Variants in AJM1 observed in about 807,000 individuals in gnomAD.
AJM1 encodes the protein apical junction component 1 homolog.
AJM1 carries 22 observed loss-of-function variants against 43.0 expected under a neutral mutation model. That is an observed-to-expected ratio of 0.51 (90% CI 0.37 to 0.73). The LOEUF (loss-of-function observed/expected upper bound fraction) is 0.73, where lower values mean the gene tolerates loss of function less well. Among genes scored for constraint, AJM1 ranks in the 30% least tolerant of loss-of-function variants. The pLI is 0.00. For missense variants in AJM1, 1,305 were observed against 1,343.3 expected, an observed-to-expected ratio of 0.97 and a Z score of 0.45; for synonymous variants, 719 against 638.3, an observed-to-expected ratio of 1.13 and a Z score of -1.91.
At chr9:136,843,019 C>T (rs889232159) in intron 1 of AJM1, among the ~76,000 whole-genome samples, 1 of 71,490 alleles carries the variant, frequency 1.4e-5, no homozygotes. Context: ...GGGGGGTGGG[C>T]GGGGGAGGCT....
At position 136,842,561 on chromosome 9, in the gene AJM1, C is replaced by T. The variant is rs1170068388; in HGVS notation, c.-172C>T. Among the ~76,000 whole-genome samples the T allele has an allele frequency of 3.3e-5, 5 of 152,224 alleles. No homozygotes were observed. The highest frequency in any genetic ancestry group is 2.6e-4 in the Admixed American group (4 of 15,288). On this transcript the variant is annotated 5_prime_UTR_variant, in exon 1 of 3. Transcript: ENST00000436881. ...GAGCCGACCTGGGGGTGGCACAGCCCACCGGGGCACAGCCAGAGCAGCACC... is the reference window on the plus strand; with the variant it reads ...GAGCCGACCTGGGGGTGGCACAGCCTACCGGGGCACAGCCAGAGCAGCACC...
In AJM1 at chr9:136,844,545, C is replaced by A. The variant is rs771522934; in HGVS notation, c.131C>A (p.Pro44His). ...RSVARPAEPA[P>H]FNKRHCRSFD... ...GTGGCCCGGCCTGCTGAGCCCGCGC[C>A]TTTCAACAAGCGCCACTGCCGCAGC... Residue 44 changes from proline (P) to histidine (H), a missense_variant, in exon 3 of 3, where the codon CCT becomes CAT. This residue lies in a region of AJM1 where 128 missense variants were observed against 120.6 expected (regional missense o/e 1.06). Transcript: ENST00000436881. 1.9e-6 allele frequency: 3 copies of A among 1,606,350 alleles called. No homozygotes were observed. Among genetic ancestry groups the A allele is most frequent in the South Asian group, 1.1e-5 (1 of 90,272 alleles).
In AJM1 at chr9:136,845,003, C is replaced by T; in HGVS notation, c.589C>T (p.Leu197Phe). ...GGACATCAAGCCAGACGACGCAGTG[C>T]TCCAGCACGCCACCCGGGGCTCGCG... ...RLDIKPDDAV[L>F]QHATRGSRSC... Residue 197 changes from leucine (L) to phenylalanine (F), a missense_variant, in exon 3 of 3, where the codon CTC becomes TTC. Leu to Phe is a conservative substitution (Grantham distance 22, BLOSUM62 0). Around this residue, in one of 6 missense-constraint regions of AJM1, gnomAD observed 653 missense variants for 549.1 expected, o/e 1.19. Coordinates refer to ENST00000436881, the MANE Select transcript of AJM1 (RefSeq NM_001080482.5). The T allele has an allele frequency of 1.5e-6, 1 of 659,816 alleles. No individual in the cohort carries two copies. Among genetic ancestry groups the T allele is most frequent in the Admixed American group, 2.7e-5 (1 of 36,776 alleles). The allele number at this position is 659,816 out of a possible 1,614,324, so 40.9% of individuals were successfully genotyped here.
In AJM1 at chr9:136,847,798, GCT is replaced by G. The variant is rs1848802231; in HGVS notation, c.*457_*458del. 6.2e-6 allele frequency: 1 copy of G among 160,692 alleles called. No individual in the cohort carries two copies. Among genetic ancestry groups the G allele is most frequent in the South Asian group, 2.0e-4 (1 of 5,008 alleles). 10.0% of individuals were successfully genotyped at this position (160,692 alleles called of 1,614,324 possible). On this transcript the variant is annotated 3_prime_UTR_variant, in exon 3 of 3. Coordinates refer to ENST00000436881, the MANE Select transcript of AJM1 (RefSeq NM_001080482.5). ...GATCCGGTCCCCGTCGGTCCGCGGG[GCT>G]CTCGCTGGAGCCTCCCCGACTCCGG...
rs778619824 is a variant in AJM1, at chr9:136,845,234, A to G, written c.820A>G (p.Thr274Ala). The G allele has an allele frequency of 2.5e-6, 4 of 1,594,182 alleles. No homozygotes were observed. Among genetic ancestry groups the G allele is most frequent in the African/African-American group, 1.4e-5 (1 of 73,946 alleles). ...CGAGCGCCGCAGTCTGCCCTTCACC[A>G]CCCCGCCGGGCCCCACCCAGTTCTT... ...YAERRSLPFT[T>A]PPGPTQFFYT... is the part of the protein sequence containing the mutation. The change falls in exon 3 of 3, where the codon ACC becomes GCC. Residue 274 changes from threonine (T) to alanine (A), a missense_variant. Thr to Ala is a moderately conservative substitution (Grantham distance 58). Around this residue, in one of 6 missense-constraint regions of AJM1, gnomAD observed 653 missense variants for 549.1 expected, o/e 1.19. Transcript: ENST00000436881.
At position 136,845,803 on chromosome 9, in the gene AJM1, G is replaced by T. The variant is rs780780682; in HGVS notation, c.1389G>T (p.Leu463Phe). 5.1e-6 allele frequency: 8 copies of T among 1,569,904 alleles called. No individual in the cohort carries two copies. The highest frequency in any genetic ancestry group is 6.9e-6 in the Non-Finnish European group (8 of 1,163,814). ...LAPGPRREDPLGRGRSYENLL... is the reference protein window; with the variant it reads ...LAPGPRREDPFGRGRSYENLL... ...CGGGGCCGCGCCGAGAAGACCCGTTGGGCCGCGGCCGCAGCTACGAGAACC... is the reference window on the plus strand; with the variant it reads ...CGGGGCCGCGCCGAGAAGACCCGTTTGGCCGCGGCCGCAGCTACGAGAACC... The change falls in exon 3 of 3, where the codon TTG (leucine) becomes TTT (phenylalanine). Residue 463 changes from leucine to phenylalanine, a missense_variant. Transcript: ENST00000436881.
At position 136,844,840 on chromosome 9, in the gene AJM1, T is replaced by A; in HGVS notation, c.426T>A (p.Leu142=). The change falls in exon 3 of 3, where the codon CTT becomes CTA. Residue 142 remains leucine, a synonymous_variant. Coordinates refer to ENST00000436881, the MANE Select transcript of AJM1 (RefSeq NM_001080482.5). ...REPAYPALRA[L]ANELHPIKLQ... ...CCGCGTACCCGGCGCTCCGCGCCCT[T>A]GCCAACGAGCTGCATCCCATCAAGT... The A allele has an allele frequency of 4.2e-6, 1 of 238,732 alleles. No individual in the cohort carries two copies. The highest frequency in any genetic ancestry group is 8.3e-6 in the Non-Finnish European group (1 of 121,016). 14.8% of individuals were successfully genotyped at this position (238,732 alleles called of 1,614,324 possible).
In AJM1 at chr9:136,845,836, G is replaced by T; in HGVS notation, c.1422G>T (p.Gly474=). Residue 474 remains glycine, a synonymous_variant, in exon 3 of 3, where the codon GGG becomes GGT. Transcript: ENST00000436881. ...GRGRSYENLL[G]REVREPRGVS... Reference sequence around the variant, plus strand: ...GCCGCAGCTACGAGAACCTGCTGGGGCGCGAGGTGCGGGAGCCGCGAGGCG... The same window carrying T: ...GCCGCAGCTACGAGAACCTGCTGGGTCGCGAGGTGCGGGAGCCGCGAGGCG... 2 of 1,559,402 alleles carry T rather than the reference G, an allele frequency of 1.3e-6. No individual in the cohort carries two copies. The highest frequency in any genetic ancestry group is 1.7e-6 in the Non-Finnish European group (2 of 1,155,610).
At position 136,845,834 on chromosome 9, in the gene AJM1, G is replaced by C. The variant is rs1403063513; in HGVS notation, c.1420G>C (p.Gly474Arg). 1.3e-6 allele frequency: 2 copies of C among 1,560,870 alleles called. No homozygotes were observed. Among genetic ancestry groups the C allele is most frequent in the Non-Finnish European group, 1.7e-6 (2 of 1,156,474 alleles). ...GRGRSYENLLGREVREPRGVS... is the reference protein window; with the variant it reads ...GRGRSYENLLRREVREPRGVS... ...CGGCCGCAGCTACGAGAACCTGCTG[G>C]GGCGCGAGGTGCGGGAGCCGCGAGG... The change falls in exon 3 of 3, where the codon GGG (glycine) becomes CGG (arginine). Residue 474 changes from glycine to arginine, a missense_variant. Physicochemically the swap from Gly to Arg is moderately radical, Grantham distance 125. Transcript: ENST00000436881.
At position 136,846,476 on chromosome 9, in the gene AJM1, A is replaced by AGCT; in HGVS notation, c.2066_2068dup (p.Cys689dup). 1 of 1,593,208 alleles carries AGCT rather than the reference A, an allele frequency of 6.3e-7. No homozygotes were observed. The highest frequency in any genetic ancestry group is 8.5e-7 in the Non-Finnish European group (1 of 1,177,184). On this transcript the variant is annotated inframe_insertion, in exon 3 of 3. Transcript: ENST00000436881. ...CTGCCTCTACTTCAAGTCCTGCCACAGCTGCTACACCTACTACTGCTCGCG... is the reference window on the plus strand; with the variant it reads ...CTGCCTCTACTTCAAGTCCTGCCACAGCTGCTGCTACACCTACTACTGCTCGCG...
In AJM1 at chr9:136,842,536, G is replaced by A. The variant is rs1369214026; in HGVS notation, c.-197G>A. Among the ~76,000 whole-genome samples the A allele has an allele frequency of 1.3e-5, 2 of 152,260 alleles. No individual in the cohort carries two copies. The highest frequency in any genetic ancestry group is 4.8e-5 in the African/African-American group (2 of 41,460). ...ACGCAGCAGTGCCGGGGACACAGAGGAGCCGACCTGGGGGTGGCACAGCCC... is the reference window on the plus strand; with the variant it reads ...ACGCAGCAGTGCCGGGGACACAGAGAAGCCGACCTGGGGGTGGCACAGCCC... On this transcript the variant is annotated 5_prime_UTR_variant, in exon 1 of 3. Coordinates refer to ENST00000436881, the MANE Select transcript of AJM1 (RefSeq NM_001080482.5).
intron 1 of AJM1, among the ~76,000 whole-genome samples, chr9:136,842,846 G>A (rs1022707689): frequency 3.3e-5 from 5 of 152,118 alleles, no homozygotes; most frequent in African/African-American, 4.8e-5. Context: ...ACGGGAGGGG[G>A]TGTCACCGAC....
intron 1 of AJM1, among the ~76,000 whole-genome samples, chr9:136,843,776 G>A (rs1235583856): frequency 6.6e-6 from 1 of 152,126 alleles, no homozygotes; most frequent in African/African-American, 2.4e-5. Context: ...TGGGGTGGTT[G>A]GTGTCACCCA....
At chr9:136,844,332 G>C (rs1392947758) in intron 2 of AJM1, 24 bp from the exon 3 acceptor site, 96 of 1,195,834 alleles carry the variant, frequency 8.0e-5, no homozygotes, top group Non-Finnish European at 4.9e-6. Context: ...GGAGGGGGCC[G>C]CCCTGACCCG....
chr9:136,844,156 G>C (rs1218136605), intron 1 of AJM1, among the ~76,000 whole-genome samples, 40 bp from the exon 2 acceptor site: 1 of 152,202 alleles, frequency 6.6e-6, no homozygotes, highest in South Asian at 2.1e-4. Context: ...ACGGGGGGAC[G>C]GGCAGGACGG....
In AJM1 at chr9:136,846,684, C is replaced by G. The variant is rs1343840135; in HGVS notation, c.2270C>G (p.Pro757Arg). 1 of 1,603,560 alleles carries G rather than the reference C, an allele frequency of 6.2e-7. No individual in the cohort carries two copies. Among genetic ancestry groups the G allele is most frequent in the Non-Finnish European group, 8.5e-7 (1 of 1,178,622 alleles). The change falls in exon 3 of 3, where the codon CCA (proline) becomes CGA (arginine). Residue 757 changes from proline to arginine, a missense_variant. By Grantham distance (103) the Pro-to-Arg change is moderately radical. This residue lies in a region of AJM1 where 391 missense variants were observed against 507.5 expected (regional missense o/e 0.77). Coordinates refer to ENST00000436881, the MANE Select transcript of AJM1 (RefSeq NM_001080482.5). ...CGCGGCGTGCTCTTCCTGGGCTTCC[C>G]AAGTCCAGGCTCGGCCGACAACTTC... is the stretch of plus-strand genomic sequence containing the variant. ...RGRGVLFLGF[P>R]SPGSADNFLR...
Position 136,847,966 on chromosome 9 carries a change from G to C in AJM1, c.*621G>C, listed in dbSNP as rs920918255. The C allele has an allele frequency of 2.0e-5, 3 of 152,296 alleles. No homozygotes were observed. Among genetic ancestry groups the C allele is most frequent in the African/African-American group, 7.2e-5 (3 of 41,474 alleles). The allele number at this position is 152,296 out of a possible 1,614,324, so 9.4% of individuals were successfully genotyped here. On this transcript the variant is annotated 3_prime_UTR_variant, in exon 3 of 3. Coordinates refer to ENST00000436881, the MANE Select transcript of AJM1 (RefSeq NM_001080482.5). ...TCTGTGCGTCCGTGTGCGCGAGCGC[G>C]TCCCGCCGAGGCGGTGGGCAGGGCG...
At position 136,847,247 on chromosome 9, in the gene AJM1, C is replaced by G; in HGVS notation, c.2833C>G (p.Arg945Gly). The change falls in exon 3 of 3, where the codon CGC becomes GGC. Residue 945 changes from arginine (R) to glycine (G), a missense_variant. Coordinates refer to ENST00000436881, the MANE Select transcript of AJM1 (RefSeq NM_001080482.5). ...CACCACCATCTACCCCACGGACCGG[C>G]GCACCGGCCGCCCCTTCATGTGCAT... ...TPTTIYPTDR[R>G]TGRPFMCMIM... The G allele has an allele frequency of 6.2e-7, 1 of 1,601,132 alleles. No homozygotes were observed. The highest frequency in any genetic ancestry group is 8.5e-7 in the Non-Finnish European group (1 of 1,177,188).
rs1348072236 is a variant in AJM1, at chr9:136,846,425, C to G, written c.2011C>G (p.Arg671Gly). 5.0e-6 allele frequency: 8 copies of G among 1,591,644 alleles called. No individual in the cohort carries two copies. The highest frequency in any genetic ancestry group is 5.9e-6 in the Non-Finnish European group (7 of 1,177,304). ...GATGACCTGCTCCAATGCGCGCTGC[C>G]GGCGCACCGAGACCATGTTCAACGC... ...DLMTCSNARC[R>G]RTETMFNACL... Residue 671 changes from arginine (R) to glycine (G), a missense_variant, in exon 3 of 3, where the codon CGG (arginine) becomes GGG (glycine). Transcript: ENST00000436881.
Sources: gnomAD v4.1 joint callset for allele counts (sites outside exome capture counted in the v4.1 genomes callset) on GRCh38, gnomAD v4.1.1 for gene constraint, gnomAD v4.1.1 regional missense constraint, MANE v1.5 for transcripts, NCBI Gene and HGNC (gene_info 2026-07-23, HGNC 2026-07-21) for gene names.